The following WDR59 variants were observed in gnomAD, a reference collection of about 807,000 sequenced individuals.
WDR59 encodes the protein GATOR2 complex protein WDR59.
WDR59 carries 100 observed loss-of-function variants against 131.2 expected under a neutral mutation model. The ratio of observed to expected loss-of-function variants is 0.76; its 90% CI spans 0.65 to 0.90. WDR59 has a LOEUF of 0.90. WDR59 is among the 40% of genes least tolerant of loss of function. The pLI is 0.00. For missense variants in WDR59, 1,203 were observed against 1,262.2 expected (o/e 0.95, Z 0.71); for synonymous variants, 601 against 466.2 (o/e 1.29, Z -3.72).
At chr16:74,920,125 A>G (rs2030043765) in intron 10 of WDR59, among the ~76,000 whole-genome samples, 1 of 152,144 alleles carries the variant, frequency 6.6e-6, no homozygotes, top group Non-Finnish European at 1.5e-5. Context: ...GTAAACTGGA[A>G]CAACCTTCAG....
At chr16:74,920,591 G>C (rs193268480) in intron 10 of WDR59, among the ~76,000 whole-genome samples, 16 of 152,066 alleles carry the variant, frequency 1.1e-4, no homozygotes, top group African/African-American at 2.4e-4. Flanking sequence ...AGCAGAGATG[G>C]GGTTTTGCCA....
rs370499814 is a variant in WDR59, at chr16:74,974,830, G to A, written c.55-9008C>T. On this transcript the variant is annotated intron_variant, in intron 1 of 25. Coordinates refer to ENST00000262144, the MANE Select transcript of WDR59 (RefSeq NM_030581.4). ...CTCACACATTGTTCCAGTTACACAC[G>A]AAAGGAATTAAGCATATACTGTGTG... is the stretch of plus-strand genomic sequence containing the variant. Among the ~76,000 whole-genome samples, 21 of 152,270 alleles carry A rather than the reference G, an allele frequency of 1.4e-4. 3 individuals are homozygous for A. Among genetic ancestry groups the A allele is most frequent in the East Asian group, 3.9e-4 (2 of 5,184 alleles).
chr16:74,912,491 T>C (rs1156314477), intron 13 of WDR59, 129 bp from the exon 14 acceptor site: 1 of 954,884 alleles, frequency 1.0e-6, no homozygotes, highest in African/African-American at 1.7e-5. Context: ...AAGACAAATG[T>C]GTGTGGAAGA....
chr16:74,881,802 G>C (rs865907130), intron 25 of WDR59, among the ~76,000 whole-genome samples: 18 of 151,390 alleles, frequency 1.2e-4, no homozygotes, highest in South Asian at 6.3e-4. Context: ...GAACCAAGGA[G>C]GGGGAGGTTG....
At position 74,881,838 on chromosome 16, in the gene WDR59, A is replaced by T. The variant is rs61477950; in HGVS notation, c.2689+3815T>A. 8.8e-4 allele frequency among the ~76,000 whole-genome samples: 129 copies of T among 145,952 alleles called. 2 individuals are homozygous for T. The East Asian group carries it at 0.023, about 26-fold the overall frequency. On this transcript the variant is annotated intron_variant, in intron 25 of 25. Transcript: ENST00000262144. ...CAGTGACCTGAGATTGTTCCATTGC[A>T]CTCCAGCCTGGGTGACAGAGCAAGA...
chr16:74,968,128 G>C (rs1438662805), intron 1 of WDR59, among the ~76,000 whole-genome samples: 2 of 152,118 alleles, frequency 1.3e-5, no homozygotes, highest in East Asian at 3.9e-4. Flanking sequence ...CCAGGGTCTG[G>C]GGAAGTAGAG....
rs1965093429 is a variant in WDR59 at position 74,892,534 on chromosome 16, G to A, written c.2032C>T (p.Gln678Ter). ...LNVNDIQETC[Q>*]KNAASALLVG... ...AGCAAGGCAGAGGCGGCATTCTTCT[G>A]ACATGTTTCCTGAATATCATTCACA... Residue 678 changes from glutamine (Q) to a stop codon, truncating the protein, a stop_gained, in exon 20 of 26, where the codon CAG (glutamine) becomes TAG (stop). Coordinates refer to ENST00000262144, the MANE Select transcript of WDR59 (RefSeq NM_030581.4). LOFTEE classifies it high-confidence loss of function. 1 of 1,613,702 alleles carries A rather than the reference G, an allele frequency of 6.2e-7. No homozygotes were observed. The highest frequency in any genetic ancestry group is 1.3e-5 in the African/African-American group (1 of 74,936).
chr16:74,892,693 G>A, intron 19 of WDR59, 128 bp from the exon 20 acceptor site: 1 of 747,360 alleles, frequency 1.3e-6, no homozygotes, highest in East Asian at 2.8e-5. Context: ...ATTCCGCGTT[G>A]GCCTTGGGCC....
chr16:74,925,483 G>A (rs1434942395), intron 8 of WDR59, among the ~76,000 whole-genome samples: 3 of 147,706 alleles, frequency 2.0e-5, no homozygotes, highest in Non-Finnish European at 4.5e-5. Context: ...GGCAGAGGTT[G>A]TAGTGAGCCA....
In WDR59 at chr16:74,979,464, TCAAAACAAAACAAAA is replaced by T. The variant is rs71158561; in HGVS notation, c.54+5485_54+5499del. 3.7e-4 allele frequency among the ~76,000 whole-genome samples: 54 copies of T among 147,390 alleles called. No homozygotes were observed. The East Asian group carries it at 8.8e-3, about 24-fold the overall frequency. Reference sequence around the variant, plus strand: ...CTGGGCGACAGAGTGAGACTCTGTCTCAAAACAAAACAAAACAAAACAAAACAAACAAACAAAAAA... The same window carrying T: ...CTGGGCGACAGAGTGAGACTCTGTCTCAAAACAAAACAAACAAACAAAAAA... On this transcript the variant is annotated intron_variant, in intron 1 of 25. Transcript: ENST00000262144.
chr16:74,932,970 T>A (rs369188088), intron 8 of WDR59, among the ~76,000 whole-genome samples: 1 of 152,216 alleles, frequency 6.6e-6, no homozygotes, highest in African/African-American at 2.4e-5. Flanking sequence ...AAAAATGGAA[T>A]AATTTCGCCT....
intron 7 of WDR59, 22 bp from the exon 8 acceptor site, chr16:74,938,288 T>A (rs773503547): frequency 5.6e-6 from 8 of 1,430,886 alleles, no homozygotes; most frequent in African/African-American, 1.5e-5. Context: ...CAGCACCTAA[T>A]ATTATCGATT....
At chr16:74,904,983 T>A (rs1965726576) in intron 17 of WDR59, among the ~76,000 whole-genome samples, 1 of 152,240 alleles carries the variant, frequency 6.6e-6, no homozygotes, top group African/African-American at 2.4e-5. Flanking sequence ...TAACTCACAT[T>A]ACATGCAAAA....
At chr16:74,948,028 C>G (rs2145125332) in intron 6 of WDR59, among the ~76,000 whole-genome samples, 1 of 152,218 alleles carries the variant, frequency 6.6e-6, no homozygotes, top group Admixed American at 6.5e-5. Context: ...CAAGGCTGCA[C>G]TACTGCACTT....
chr16:74,979,644 G>A (rs575382146), intron 1 of WDR59, among the ~76,000 whole-genome samples: 64 of 149,178 alleles, frequency 4.3e-4, no homozygotes, highest in Non-Finnish European at 6.7e-4. Context: ...GGGTTCAAGC[G>A]ATTCTTCTGC....
chr16:74,982,653 A>G (rs2034473173), intron 1 of WDR59, among the ~76,000 whole-genome samples: 1 of 152,222 alleles, frequency 6.6e-6, no homozygotes, highest in Admixed American at 6.5e-5. Context: ...AAAGCAATTA[A>G]CAAGAAAGAA....
Position 74,890,955 on chromosome 16 carries a change from G to A in WDR59, c.2083-1140C>T, listed in dbSNP as rs1022456528. On this transcript the variant is annotated intron_variant, in intron 20 of 25. Transcript: ENST00000262144. ...ATGGTGAAACCCTGTCTCTACTAAA[G>A]ATACAAAAATTAGCTGGGCATGGTG... Among the ~76,000 whole-genome samples, 11 of 151,774 alleles carry A rather than the reference G, an allele frequency of 7.2e-5. 1 individual carries two copies.
Position 74,942,825 on chromosome 16 carries a change from C to T in WDR59, c.447G>A (p.Ala149=), listed in dbSNP as rs781231563. Reference sequence around the variant, plus strand: ...TATTCCATTTGACCTGGGAGGCACCCGCTGCAAAGAAAAATCAGGGAAGAA... The same window carrying T: ...TATTCCATTTGACCTGGGAGGCACCTGCTGCAAAGAAAAATCAGGGAAGAA... The part of the protein sequence containing the change: ...RKPTVALSAV[A]GASQVKWNKK... The change falls in exon 7 of 26, where the codon GCG becomes GCA. Residue 149 remains alanine, a splice_region_variant and synonymous_variant. Coordinates refer to ENST00000262144, the MANE Select transcript of WDR59 (RefSeq NM_030581.4). 13 of 1,612,944 alleles carry T rather than the reference C, an allele frequency of 8.1e-6. No individual in the cohort carries two copies. The highest frequency in any genetic ancestry group is 1.7e-5 in the Admixed American group (1 of 59,584).
Position 74,965,679 on chromosome 16 carries a change from C to T in WDR59, c.104+94G>A, listed in dbSNP as rs564130535. 50 of 1,457,386 alleles carry T rather than the reference C, an allele frequency of 3.4e-5. 1 individual carries two copies. The African/African-American group carries it at 4.0e-4, about 12-fold the overall frequency. 90.3% of individuals were successfully genotyped at this position (1,457,386 alleles called of 1,614,324 possible). A position where few individuals can be genotyped will look rare whatever the true frequency, so the allele number is the denominator to read the frequency against. On this transcript the variant is annotated intron_variant, in intron 2 of 25. Transcript: ENST00000262144. ...AGAACTAAACCCTATGATCATAATC[C>T]GTAAATATAAGAATAGCTTCCAAGT...
Sources: allele counts gnomAD v4.1 joint callset (sites outside exome capture counted in the v4.1 genomes callset), GRCh38; gene constraint gnomAD v4.1.1; transcripts MANE v1.5; gene names NCBI Gene and HGNC (gene_info 2026-07-23, HGNC 2026-07-21).